ALS2CL: variants seen among roughly 807,000 people sequenced by gnomAD.
ALS2CL encodes the protein ALS2 C-terminal-like protein.
ALS2CL carries 112 observed loss-of-function variants against 127.9 expected under a neutral mutation model. The ratio of observed to expected loss-of-function variants is 0.88; its 90% CI spans 0.75 to 1.02. The LOEUF is 1.02. ALS2CL is among the 50% of genes least tolerant of loss of function. The probability of loss-of-function intolerance (pLI) is 0.00; values close to 1 mark genes in which losing one functional copy is unlikely to be tolerated. For missense variants in ALS2CL, 1,174 were observed against 1,236.7 expected (o/e 0.95, Z 0.76); for synonymous variants, 519 against 527.6 (o/e 0.98, Z 0.22).
chr3:46,691,092 A>C (rs1197551481), intron 1 of ALS2CL, among the ~76,000 whole-genome samples: 1 of 152,198 alleles, frequency 6.6e-6, no homozygotes, highest in Non-Finnish European at 1.5e-5. Flanking sequence ...CCCCTGAGGC[A>C]GACCCAGGCC....
intron 2 of ALS2CL, 126 bp downstream of exon 2, chr3:46,689,212 C>A: frequency 1.1e-6 from 1 of 933,456 alleles, no homozygotes; most frequent in South Asian, 1.5e-5. Flanking sequence ...GATGCTGATA[C>A]CAGGTGTCAC....
At chr3:46,672,361 G>A (rs569682911) in intron 22 of ALS2CL, among the ~76,000 whole-genome samples, 160 bp from the exon 23 acceptor site, 80 of 152,320 alleles carry the variant, frequency 5.3e-4, no homozygotes, top group African/African-American at 1.9e-3. Context: ...GCAAGTCACA[G>A]CTCCACTGTG....
At chr3:46,687,823 T>A in intron 3 of ALS2CL, 139 bp from the exon 4 acceptor site, 1 of 906,950 alleles carries the variant, frequency 1.1e-6, no homozygotes. Flanking sequence ...CTCTGGGCAC[T>A]GGAGACCTCA....
At position 46,671,607 on chromosome 3, in the gene ALS2CL, G is replaced by T. The variant is rs369472347; in HGVS notation, c.2685-23C>A. The T allele has an allele frequency of 1.3e-5, 21 of 1,613,444 alleles. 1 individual carries two copies. Among genetic ancestry groups the T allele is most frequent in the Admixed American group, 3.3e-5 (2 of 59,900 alleles). ...ATTCTGGAGAACACCGCCCCACCAA[G>T]AGAGCGAGGGAGACAAGGAGAAGAG... On this transcript the variant is annotated intron_variant, in intron 24 of 25. Transcript: ENST00000318962.
chr3:46,677,051 G>A, intron 16 of ALS2CL, 29 bp from the exon 17 acceptor site: 1 of 1,572,280 alleles, frequency 6.4e-7, no homozygotes, highest in Non-Finnish European at 8.6e-7. Flanking sequence ...GTGGGTGATG[G>A]GGCAGAGAGA....
At position 46,676,650 on chromosome 3, in the gene ALS2CL, G is replaced by A; in HGVS notation, c.2020C>T (p.Leu674Phe). ...HREPKALQLY[L>F]RKALSNSLHP... ...CCCAGCAGGGCTCTCACCTTCCTGAGGTACAGCTGCAGGGCCTTGGGCTCC... is the reference window on the plus strand; with the variant it reads ...CCCAGCAGGGCTCTCACCTTCCTGAAGTACAGCTGCAGGGCCTTGGGCTCC... The change falls in exon 18 of 26, where the codon CTC becomes TTC. Residue 674 changes from leucine to phenylalanine, a missense_variant. Transcript: ENST00000318962. 1.2e-6 allele frequency: 2 copies of A among 1,613,242 alleles called. No individual in the cohort carries two copies. The highest frequency in any genetic ancestry group is 1.1e-5 in the South Asian group (1 of 91,028).
At chr3:46,677,282 A>C (rs1278287996) in intron 16 of ALS2CL, 2 of 1,324,054 alleles carry the variant, frequency 1.5e-6, no homozygotes, top group Non-Finnish European at 1.9e-6. Context: ...AGACGGAGAC[A>C]GAAAGGTGGG....
chr3:46,670,999 G>C lies in ALS2CL; in HGVS notation c.2847C>G (p.Ser949=). 1 of 1,614,158 alleles carries C rather than the reference G, an allele frequency of 6.2e-7. No individual in the cohort carries two copies. ...AAAGGCCAGGCTACCAGAGCTCCCT[G>C]GAGTGCCAGTGGCCAGGTAAGCGGT... ...RLHRLPGHWH[S]RELW Residue 949 remains serine, a synonymous_variant, in exon 26 of 26, where the codon TCC becomes TCG. Transcript: ENST00000318962. The surrounding 1 kb of genome is among the most constrained non-coding windows in gnomAD (Gnocchi z 5.5).
At chr3:46,688,334 G>A (rs761164809) in intron 2 of ALS2CL, 38 bp from the exon 3 acceptor site, 33 of 1,588,700 alleles carry the variant, frequency 2.1e-5, no homozygotes, top group South Asian at 1.1e-4. Context: ...AGTAGAGGAC[G>A]TGGGCTCCAT....
In ALS2CL at chr3:46,681,449, C is replaced by G; in HGVS notation, c.1275-42G>C. On this transcript the variant is annotated intron_variant, in intron 12 of 25. Transcript: ENST00000318962. This position sits in a 1 kb window ranked among gnomAD's most constrained non-coding sequence, Gnocchi z 4.9. ...ACAACGAGCTCTGCCTCATGGAGCT[C>G]AGCCCAGAGGATGGGCCCAGCCCAT... The G allele has an allele frequency of 6.2e-7, 1 of 1,611,716 alleles. No individual in the cohort carries two copies. The highest frequency in any genetic ancestry group is 1.3e-5 in the African/African-American group (1 of 74,982).
In ALS2CL at chr3:46,680,424, A is replaced by T. The variant is rs906449500; in HGVS notation, c.1548+6T>A. On this transcript the variant is annotated splice_donor_region_variant and intron_variant, in intron 14 of 25. Transcript: ENST00000318962. The stretch of plus-strand genomic sequence containing the variant: ...AGAGGGATAGCCCAGGATACACTCC[A>T]CTCACCACCGTCTTGTCCGCCTGGA... 3 of 1,611,894 alleles carry T rather than the reference A, an allele frequency of 1.9e-6. No individual in the cohort carries two copies. Among genetic ancestry groups the T allele is most frequent in the Non-Finnish European group, 2.5e-6 (3 of 1,179,452 alleles).
At chr3:46,680,967 C>A in intron 13 of ALS2CL, 1 of 580,838 alleles carries the variant, frequency 1.7e-6, no homozygotes, top group Non-Finnish European at 3.1e-6. Context: ...GCCCAGAGAG[C>A]CAGCAAGGGC....
At chr3:46,674,464 G>T in intron 21 of ALS2CL, 102 bp downstream of exon 21, 9 of 1,414,232 alleles carry the variant, frequency 6.4e-6, no homozygotes, top group Non-Finnish European at 8.6e-6. Flanking sequence ...AGAACTTGGT[G>T]GGTACATGAA....
In ALS2CL at chr3:46,685,613, A is replaced by G. The variant is rs1420820334; in HGVS notation, c.698T>C (p.Leu233Pro). ...DVLCTPAHRL[L>P]QDSQDVPVTV... is the part of the protein sequence containing the mutation. The stretch of plus-strand genomic sequence containing the variant: ...CACGGGTACGTCCTGGCTGTCCTGA[A>G]GGAGTCTGTGAGCAGGGGTGCAGAG... Residue 233 changes from leucine (L) to proline (P), a missense_variant, in exon 7 of 26, where the codon CTT (leucine) becomes CCT (proline). By Grantham distance (98) the Leu-to-Pro change is moderately conservative (BLOSUM62 -3). Transcript: ENST00000318962. The G allele has an allele frequency of 6.2e-7, 1 of 1,613,670 alleles. No individual in the cohort carries two copies. Among genetic ancestry groups the G allele is most frequent in the Non-Finnish European group, 8.5e-7 (1 of 1,179,926 alleles).
chr3:46,683,134 C>A lies in ALS2CL; in HGVS notation c.1105G>T (p.Gly369Cys), dbSNP rs773133824. The A allele has an allele frequency of 6.4e-7, 1 of 1,562,560 alleles. No individual in the cohort carries two copies. Among genetic ancestry groups the A allele is most frequent in the South Asian group, 1.2e-5 (1 of 83,348 alleles). Reference sequence around the variant, plus strand: ...CCCAGAGCTCCAGCCACTCACTTGCCGTGGGGCCGGCCCCTGCACCACTCG... The same window carrying A: ...CCCAGAGCTCCAGCCACTCACTTGCAGTGGGGCCGGCCCCTGCACCACTCG... ...EGEWCRGRPHGKGTLKWPDGR... is the reference protein window; with the variant it reads ...EGEWCRGRPHCKGTLKWPDGR... Residue 369 changes from glycine to cysteine, a missense_variant, in exon 10 of 26, where the codon GGC becomes TGC. Coordinates refer to ENST00000318962, the MANE Select transcript of ALS2CL (RefSeq NM_147129.5).
intron 21 of ALS2CL, among the ~76,000 whole-genome samples, 200 bp from the exon 22 acceptor site, chr3:46,673,581 G>A (rs993110168): frequency 3.9e-5 from 6 of 152,282 alleles, no homozygotes; most frequent in African/African-American, 4.8e-5. Flanking sequence ...AGGTAAGGGC[G>A]GCCCAGGGGC....
At position 46,690,570 on chromosome 3, in the gene ALS2CL, C is replaced by T. The variant is rs149607461; in HGVS notation, c.-25-1105G>A. Among the ~76,000 whole-genome samples, 25 of 152,348 alleles carry T rather than the reference C, an allele frequency of 1.6e-4. No homozygotes were observed. In the East Asian group the frequency reaches 4.2e-3, roughly 26 times the overall value. ...AGGCTCTACTCCAACAAAGCCCTCC[C>T]CTACCAGACCCTGGTACCCTCACTT... On this transcript the variant is annotated intron_variant, in intron 1 of 25. Transcript: ENST00000318962.
chr3:46,672,771 G>T (rs529981859), intron 22 of ALS2CL, among the ~76,000 whole-genome samples: 1 of 152,306 alleles, frequency 6.6e-6, no homozygotes, highest in African/African-American at 2.4e-5. Context: ...AAGGCAAGCA[G>T]ATCACCTGAG....
At chr3:46,672,759 C>T (rs773379215) in intron 22 of ALS2CL, among the ~76,000 whole-genome samples, 2 of 152,168 alleles carry the variant, frequency 1.3e-5, no homozygotes, top group South Asian at 2.1e-4. Flanking sequence ...CTTTAGGAGG[C>T]GAAGGCAAGC....
Sources: gnomAD v4.1 joint callset for allele counts (sites outside exome capture counted in the v4.1 genomes callset) on GRCh38, gnomAD v4.1.1 for gene constraint, Gnocchi (gnomAD v3.1) non-coding constraint, MANE v1.5 for transcripts, NCBI Gene and HGNC (gene_info 2026-07-23, HGNC 2026-07-21) for gene names.